Variants in POF1B observed in about 807,000 individuals in gnomAD.
The protein encoded by POF1B is protein POF1B.
Under a neutral mutation model 55.3 loss-of-function variants are expected in POF1B, and 53 were observed. That is an observed-to-expected ratio of 0.96 (90% CI 0.77 to 1.20). The LOEUF (loss-of-function observed/expected upper bound fraction) is 1.20, where lower values mean the gene tolerates loss of function less well. Ranked by LOEUF, POF1B falls within the 50% of genes most tolerant of loss-of-function variation. POF1B has a pLI of 0.00. For missense variants in POF1B, 478 were observed against 420.5 expected (o/e 1.14, Z -1.20); for synonymous variants, 188 against 148.3 (o/e 1.27, Z -1.95).
intron 2 of POF1B, among the ~76,000 whole-genome samples, chrX:85,370,815 A>T (rs750568737): frequency 2.7e-5 from 3 of 111,689 alleles, no homozygotes; most frequent in Non-Finnish European, 5.6e-5. Flanking sequence ...TGAAAAGGAG[A>T]TCTTAGTTTT....
intron 6 of POF1B, among the ~76,000 whole-genome samples, chrX:85,333,778 A>T (rs1282688462): frequency 9.0e-6 from 1 of 111,139 alleles, no homozygotes; most frequent in Non-Finnish European, 1.9e-5. Context: ...AGACTTCTGA[A>T]TAATGTCCAT....
intron 2 of POF1B, among the ~76,000 whole-genome samples, chrX:85,372,276 A>G (rs1391747674): frequency 2.8e-5 from 3 of 107,360 alleles, no homozygotes; most frequent in Non-Finnish European, 3.8e-5. Flanking sequence ...CCTGGGAGGC[A>G]GAGCTTGCCG....
chrX:85,372,215 G>A (rs1344697265), intron 2 of POF1B, among the ~76,000 whole-genome samples: 1 of 109,388 alleles, frequency 9.1e-6, no homozygotes, highest in Non-Finnish European at 1.9e-5. Flanking sequence ...GTGGTGGCGG[G>A]CGCCTATATT....
chrX:85,358,337 G>T (rs746332420), intron 4 of POF1B, among the ~76,000 whole-genome samples: 1 of 111,241 alleles, frequency 9.0e-6, no homozygotes. Context: ...ATTCTACATA[G>T]CTATTTGTGG....
chrX:85,341,658 A>G (rs1372604486), intron 6 of POF1B, among the ~76,000 whole-genome samples: 3 of 110,751 alleles, frequency 2.7e-5, no homozygotes, highest in African/African-American at 9.8e-5. Context: ...GGCAATAAAC[A>G]TGGAGAGGAA....
At chrX:85,318,918 G>T (rs949361087) in intron 7 of POF1B, among the ~76,000 whole-genome samples, 12 of 111,770 alleles carry the variant, frequency 1.1e-4, no homozygotes, top group Non-Finnish European at 2.1e-4. Context: ...GACATTGCTA[G>T]TTTGATAGGA....
At chrX:85,317,565 T>C (rs367736513) in intron 7 of POF1B, among the ~76,000 whole-genome samples, 45 of 110,891 alleles carry the variant, frequency 4.1e-4, no homozygotes, top group African/African-American at 1.4e-3. Context: ...CAGCCACATC[T>C]ATGTCTTCTT....
chrX:85,334,973 A>G (rs1010337825), intron 6 of POF1B, among the ~76,000 whole-genome samples: 1 of 111,463 alleles, frequency 9.0e-6, no homozygotes, highest in African/African-American at 3.2e-5. Context: ...GTTTCCCTTC[A>G]GCTTAAGAAC....
chrX:85,352,902 C>T (rs1249655035), intron 4 of POF1B, among the ~76,000 whole-genome samples: 1 of 111,136 alleles, frequency 9.0e-6, no homozygotes, highest in African/African-American at 3.3e-5. Flanking sequence ...TTTTAAAGGA[C>T]TATAAATAAA....
rs147121869 is a variant in POF1B at position 85,375,509 on chromosome X, C to T, written c.282+3664G>A. The stretch of plus-strand genomic sequence containing the variant: ...TAGTTGCACTCTCCAATTTCTATAG[C>T]TTCATTTAATTGTAAGCACAAAAGA... On this transcript the variant is annotated intron_variant, in intron 2 of 16. Coordinates refer to ENST00000262753, the MANE Select transcript of POF1B (RefSeq NM_024921.4). 6.2e-3 allele frequency among the ~76,000 whole-genome samples: 698 copies of T among 111,935 alleles called. 2 individuals carry two copies. The highest frequency in any genetic ancestry group is 0.022 in the African/African-American group (669 of 30,820).
At chrX:85,340,828 AT>A (rs1252876149) in intron 6 of POF1B, among the ~76,000 whole-genome samples, 1 of 111,002 alleles carries the variant, frequency 9.0e-6, no homozygotes, top group Non-Finnish European at 1.9e-5. Context: ...TAATTGATCA[AT>A]AGGAACCAGA....
In POF1B at chrX:85,307,143, C is replaced by A. The variant is rs758563823; in HGVS notation, c.1164+20G>T. The A allele has an allele frequency of 9.0e-7, 1 of 1,115,620 alleles. No homozygotes were observed. Among genetic ancestry groups the A allele is most frequent in the East Asian group, 3.0e-5 (1 of 33,158 alleles). The allele number at this position is 1,115,620 out of a possible 1,213,427, so 91.9% of individuals were successfully genotyped here. A position where few individuals can be genotyped will look rare whatever the true frequency, so the allele number is the denominator to read the frequency against. ...AAAAGCTATCAATGTAGATTAACAC[C>A]AATAAAAGCATCAGTTTACCTGCTG... is the stretch of plus-strand genomic sequence containing the variant. On this transcript the variant is annotated intron_variant, in intron 11 of 16. Coordinates refer to ENST00000262753, the MANE Select transcript of POF1B (RefSeq NM_024921.4).
At chrX:85,342,048 A>G (rs1246393440) in intron 6 of POF1B, among the ~76,000 whole-genome samples, 1 of 111,369 alleles carries the variant, frequency 9.0e-6, no homozygotes, top group Non-Finnish European at 1.9e-5. Flanking sequence ...AACTTGTAAA[A>G]TGACTTCAGC....
chrX:85,312,810 T>C (rs1290033717), intron 9 of POF1B, among the ~76,000 whole-genome samples: 1 of 111,963 alleles, frequency 8.9e-6, no homozygotes, highest in African/African-American at 3.2e-5. Context: ...TCCATAACAA[T>C]GGAATGTTTT....
At chrX:85,331,225 G>A in intron 6 of POF1B, 146 bp from the exon 7 acceptor site, 2 of 556,025 alleles carry the variant, frequency 3.6e-6, no homozygotes, top group Non-Finnish European at 5.2e-6. Flanking sequence ...TTTTAATGTG[G>A]GAGAAATTTA....
intron 15 of POF1B, among the ~76,000 whole-genome samples, chrX:85,290,350 C>T (rs773421006): frequency 9.0e-6 from 1 of 111,458 alleles, no homozygotes; most frequent in East Asian, 2.8e-4. Flanking sequence ...TTTTTCCAGT[C>T]CAACATTGAT....
intron 5 of POF1B, among the ~76,000 whole-genome samples, chrX:85,349,122 C>A (rs887408958): frequency 9.0e-6 from 1 of 110,747 alleles, no homozygotes; most frequent in Non-Finnish European, 1.9e-5. Context: ...CATAGCAAAC[C>A]CTTCAGACTA....
chrX:85,296,407 C>T lies in POF1B; in HGVS notation c.1649+6999G>A, dbSNP rs755802539. Among the ~76,000 whole-genome samples the T allele has an allele frequency of 1.2e-4, 13 of 111,921 alleles. No homozygotes were observed. The South Asian group carries it at 1.5e-3, about 13-fold the overall frequency. ...ATTTCATTTCCATGTTTATCATTTCCGTAAGAACCTCCTGTATAGCTGGTT... is the reference window on the plus strand; with the variant it reads ...ATTTCATTTCCATGTTTATCATTTCTGTAAGAACCTCCTGTATAGCTGGTT... On this transcript the variant is annotated intron_variant, in intron 15 of 16. Coordinates refer to ENST00000262753, the MANE Select transcript of POF1B (RefSeq NM_024921.4).
intron 6 of POF1B, among the ~76,000 whole-genome samples, chrX:85,338,713 A>AG (rs2084173739): frequency 9.0e-6 from 1 of 111,633 alleles, no homozygotes; most frequent in African/African-American, 3.3e-5. Flanking sequence ...TGTATGAGAG[A>AG]GGTTGTATGA....
Sources: allele counts gnomAD v4.1 joint callset (sites outside exome capture counted in the v4.1 genomes callset), GRCh38; gene constraint gnomAD v4.1.1; transcripts MANE v1.5; gene names NCBI Gene and HGNC (gene_info 2026-07-23, HGNC 2026-07-21).